Variants in CSMD3 observed in about 807,000 individuals in gnomAD.
CSMD3 encodes the protein CUB and Sushi multiple domains 3.
In CSMD3, 177 loss-of-function variants were observed where a neutral mutation model predicts 435.2. That is an observed-to-expected ratio of 0.41 (90% CI 0.36 to 0.46). The LOEUF (loss-of-function observed/expected upper bound fraction) is 0.46, where lower values mean the gene tolerates loss of function less well. CSMD3 is among the 20% of genes least tolerant of loss of function. CSMD3 has a pLI of 0.34. For synonymous variants in CSMD3, 1,656 were observed against 1,520.5 expected (o/e 1.09, Z -2.07); for missense variants, 4,265 against 4,504.6 (o/e 0.95, Z 1.52).
intron 3 of CSMD3, among the ~76,000 whole-genome samples, chr8:113,187,515 C>T (rs1007334020): frequency 6.6e-6 from 1 of 151,894 alleles, no homozygotes; most frequent in Non-Finnish European, 1.5e-5. Flanking sequence ...AAATTACAAC[C>T]CTGATAATGA....
intron 40 of CSMD3, among the ~76,000 whole-genome samples, chr8:112,349,692 T>C (rs1325575425): frequency 1.3e-5 from 2 of 152,100 alleles, no homozygotes; most frequent in Non-Finnish European, 2.9e-5. Flanking sequence ...AAAATTGGTA[T>C]AATATGCATT....
chr8:112,555,582 A>G (rs1341796408), intron 25 of CSMD3, among the ~76,000 whole-genome samples: 2 of 152,032 alleles, frequency 1.3e-5, no homozygotes, highest in Non-Finnish European at 2.9e-5. Flanking sequence ...ATGCCGTCTG[A>G]AAAGTAAGAA....
At chr8:112,474,013 G>C (rs1178192896) in intron 31 of CSMD3, among the ~76,000 whole-genome samples, 1 of 152,016 alleles carries the variant, frequency 6.6e-6, no homozygotes, top group African/African-American at 2.4e-5. Context: ...GATTTCCTTT[G>C]AAGTTTTGCA....
chr8:112,748,487 C>T (rs1006821987), intron 13 of CSMD3, among the ~76,000 whole-genome samples: 19 of 152,022 alleles, frequency 1.2e-4, no homozygotes, highest in African/African-American at 4.1e-4. Context: ...GCGCCTCTCC[C>T]TCCTCCCACC....
chr8:112,598,317 G>T (rs79414862), intron 22 of CSMD3, among the ~76,000 whole-genome samples: 81,296 of 143,964 alleles, frequency 0.56, 23,596 homozygotes, highest in African/African-American at 0.68. Flanking sequence ...ACAAGGGATG[G>T]GAAGGACCTC....
chr8:112,612,709 C>A (rs77703470), intron 22 of CSMD3, among the ~76,000 whole-genome samples: 1 of 65,888 alleles, frequency 1.5e-5, no homozygotes. Context: ...TTTCTTTGTT[C>A]TTTTTTTTTT....
At chr8:112,993,504 TG>T (rs1044722462) in intron 6 of CSMD3, among the ~76,000 whole-genome samples, 1 of 151,888 alleles carries the variant, frequency 6.6e-6, no homozygotes, top group African/African-American at 2.4e-5. Context: ...ACGCATTTCT[TG>T]ACAATTCCTT....
intron 4 of CSMD3, among the ~76,000 whole-genome samples, chr8:113,157,904 T>A (rs1588171450): frequency 6.6e-6 from 1 of 152,268 alleles, no homozygotes; most frequent in African/African-American, 2.4e-5. Flanking sequence ...TTGTTCTGAA[T>A]TTTAAATCAT....
intron 45 of CSMD3, among the ~76,000 whole-genome samples, chr8:112,321,902 A>T (rs1253710842): frequency 6.6e-6 from 1 of 151,888 alleles, no homozygotes; most frequent in African/African-American, 2.4e-5. Context: ...GATAGTAATT[A>T]GGAATTTTGA....
At chr8:113,377,129 G>A in intron 1 of CSMD3, 1 of 1,258,342 alleles carries the variant, frequency 7.9e-7, no homozygotes, top group Non-Finnish European at 1.0e-6. Context: ...CGGCTCTCCG[G>A]TCCTCCAAAG....
At chr8:112,983,429 C>A (rs1313158881) in intron 6 of CSMD3, among the ~76,000 whole-genome samples, 1 of 151,328 alleles carries the variant, frequency 6.6e-6, no homozygotes, top group Admixed American at 6.6e-5. Context: ...AACCAAGAAA[C>A]TACGCTTATC....
intron 3 of CSMD3, among the ~76,000 whole-genome samples, chr8:113,213,279 G>C (rs1452780847): frequency 6.6e-6 from 1 of 152,004 alleles, no homozygotes; most frequent in Non-Finnish European, 1.5e-5. Flanking sequence ...GGTGTAGGCA[G>C]GGCATAAAAG....
intron 12 of CSMD3, among the ~76,000 whole-genome samples, chr8:112,811,950 T>C (rs149585093): frequency 6.6e-6 from 1 of 152,156 alleles, no homozygotes; most frequent in East Asian, 1.9e-4. Flanking sequence ...AAGGATGCTG[T>C]GGGCTACAGA....
chr8:113,294,796 G>T (rs1057462618), intron 2 of CSMD3, among the ~76,000 whole-genome samples: 2 of 152,012 alleles, frequency 1.3e-5, no homozygotes, highest in African/African-American at 4.8e-5. Flanking sequence ...CTTAATAAAG[G>T]ACAATCCTAA....
At chr8:112,494,716 C>A (rs143161100) in intron 30 of CSMD3, among the ~76,000 whole-genome samples, 8 of 151,838 alleles carry the variant, frequency 5.3e-5, no homozygotes, top group Non-Finnish European at 2.9e-5. Flanking sequence ...TAAAGACTTG[C>A]GATTTTGGCA....
chr8:112,303,249 A>T (rs2130767722), intron 52 of CSMD3, among the ~76,000 whole-genome samples: 2 of 152,284 alleles, frequency 1.3e-5, no homozygotes, highest in East Asian at 1.9e-4. Context: ...AACTTGGAGG[A>T]CTAGTACAAA....
chr8:112,902,747 T>A (rs1443409662), intron 10 of CSMD3, among the ~76,000 whole-genome samples: 1 of 151,266 alleles, frequency 6.6e-6, no homozygotes, highest in Non-Finnish European at 1.5e-5. Flanking sequence ...ACGTGAAAAC[T>A]ACGGATTTAA....
intron 22 of CSMD3, among the ~76,000 whole-genome samples, chr8:112,589,949 G>A (rs931560013): frequency 2.0e-5 from 3 of 152,124 alleles, no homozygotes; most frequent in African/African-American, 4.8e-5. Flanking sequence ...AAGGTTTTCA[G>A]TCAGGTGCTA....
intron 1 of CSMD3, among the ~76,000 whole-genome samples, chr8:113,388,846 A>G (rs1222004164): frequency 3.3e-5 from 5 of 151,600 alleles, no homozygotes; most frequent in African/African-American, 4.8e-5. Flanking sequence ...TTAGCTACTG[A>G]GTCAAATTTG....
Sources: allele counts gnomAD v4.1 joint callset (sites outside exome capture counted in the v4.1 genomes callset), GRCh38; gene constraint gnomAD v4.1.1; transcripts MANE v1.5; gene names NCBI Gene and HGNC (gene_info 2026-07-23, HGNC 2026-07-21).